PDE8B: variants seen among roughly 807,000 people sequenced by gnomAD.
PDE8B encodes the protein high affinity cAMP-specific and IBMX-insensitive 3',5'-cyclic phosphodiesterase 8B.
In PDE8B, 26 loss-of-function variants were observed where a neutral mutation model predicts 101.3. That is an observed-to-expected ratio of 0.26 (90% CI 0.19 to 0.36). The LOEUF (loss-of-function observed/expected upper bound fraction) is 0.36. Ranked by LOEUF, PDE8B falls within the 10% of genes least tolerant of loss-of-function variation. PDE8B has a pLI of 1.00. For synonymous variants in PDE8B, 424 were observed against 429.3 expected (o/e 0.99, Z 0.15); for missense variants, 810 against 1,163.1 (o/e 0.70, Z 4.42).
At chr5:77,244,000 C>G (rs964962292) in intron 1 of PDE8B, among the ~76,000 whole-genome samples, 4 of 151,804 alleles carry the variant, frequency 2.6e-5, no homozygotes, top group South Asian at 2.1e-4. Flanking sequence ...AATGTTTGGT[C>G]TGAACTTAAG....
intron 1 of PDE8B, among the ~76,000 whole-genome samples, chr5:77,280,896 C>T (rs1764841061): frequency 7.0e-6 from 1 of 143,006 alleles, no homozygotes; most frequent in Non-Finnish European, 1.6e-5. Flanking sequence ...GACTCTGTCT[C>T]AAAAACAAAC....
At chr5:77,395,257 C>T (rs1361619313) in intron 10 of PDE8B, among the ~76,000 whole-genome samples, 1 of 150,862 alleles carries the variant, frequency 6.6e-6, no homozygotes, top group Non-Finnish European at 1.5e-5. Flanking sequence ...GCTGGGACTA[C>T]AGGCACCCGC....
chr5:77,314,795 C>G (rs985648632), intron 2 of PDE8B, among the ~76,000 whole-genome samples: 1 of 152,032 alleles, frequency 6.6e-6, no homozygotes, highest in Admixed American at 6.6e-5. Context: ...CAATTTTACA[C>G]TCTTACCAGC....
At chr5:77,204,050 G>GTTTTTT in the PDE8B span, among the ~76,000 whole-genome samples, 7 of 113,592 alleles carry the variant, frequency 6.2e-5, no homozygotes, top group East Asian at 2.7e-4. Flanking sequence ...TGTACCCTTA[G>GTTTTTT]TTTTTTTTTT....
Position 77,225,584 on chromosome 5 carries a change from G to A in PDE8B, c.339+14320G>A, listed in dbSNP as rs78658752. Among the ~76,000 whole-genome samples the A allele has an allele frequency of 3.9e-5, 6 of 152,210 alleles. No individual in the cohort carries two copies. The East Asian group carries it at 1.2e-3, about 29-fold the overall frequency. On this transcript the variant is annotated intron_variant, in intron 1 of 21. Coordinates refer to ENST00000264917, the MANE Select transcript of PDE8B (RefSeq NM_003719.5). ...TATTTTTATTGAAAAATGGTATTTA[G>A]AGGTATGATCTCGGGTGTTCATTGC...
chr5:77,104,330 G>T, the PDE8B span, among the ~76,000 whole-genome samples: 2 of 152,170 alleles, frequency 1.3e-5, no homozygotes, highest in African/African-American at 2.4e-5. Flanking sequence ...GCAGTGCTAT[G>T]GTTTGAATGT....
At chr5:77,289,039 C>T (rs923580534) in intron 1 of PDE8B, among the ~76,000 whole-genome samples, 7 of 152,048 alleles carry the variant, frequency 4.6e-5, no homozygotes, top group African/African-American at 1.7e-4. Flanking sequence ...CTCTTTTTAT[C>T]TCTGAATTTT....
At chr5:77,203,522 A>C in the PDE8B span, among the ~76,000 whole-genome samples, 40 of 152,206 alleles carry the variant, frequency 2.6e-4, no homozygotes, top group African/African-American at 7.2e-4. Context: ...GGCTGGGTGG[A>C]TGGATGGATG....
chr5:77,168,987 C>A, the PDE8B span, among the ~76,000 whole-genome samples: 2 of 152,206 alleles, frequency 1.3e-5, no homozygotes, highest in Non-Finnish European at 2.9e-5. Flanking sequence ...ATAAGAGAGG[C>A]CTCAGGCCTT....
intron 1 of PDE8B, chr5:77,291,476 G>A (rs767317004): frequency 7.1e-5 from 114 of 1,610,350 alleles, no homozygotes; most frequent in Admixed American, 1.3e-4. Context: ...CTTTTGCTCC[G>A]ATTCTGTATG....
intron 21 of PDE8B, 43 bp downstream of exon 21, chr5:77,425,939 C>T: frequency 6.3e-7 from 1 of 1,578,406 alleles, no homozygotes; most frequent in Non-Finnish European, 8.7e-7. Flanking sequence ...AATTGTTATA[C>T]TTTACGAATA....
At chr5:77,288,831 G>A (rs960822264) in intron 1 of PDE8B, among the ~76,000 whole-genome samples, 1 of 146,390 alleles carries the variant, frequency 6.8e-6, no homozygotes, top group Non-Finnish European at 1.5e-5. Flanking sequence ...AAATCTTGCT[G>A]CCCCCATCTT....
intron 1 of PDE8B, among the ~76,000 whole-genome samples, chr5:77,292,339 A>G (rs762923150): frequency 6.6e-6 from 1 of 152,228 alleles, no homozygotes; most frequent in Non-Finnish European, 1.5e-5. Flanking sequence ...GACAAATATC[A>G]TGGCAGACAT....
At chr5:77,110,684 T>A in the PDE8B span, among the ~76,000 whole-genome samples, 6 of 152,312 alleles carry the variant, frequency 3.9e-5, no homozygotes, top group South Asian at 1.0e-3. Flanking sequence ...AGGTCCCAGT[T>A]GTCAACCACA....
intron 1 of PDE8B, chr5:77,291,060 A>C: frequency 1.2e-6 from 2 of 1,611,666 alleles, no homozygotes; most frequent in East Asian, 2.2e-5. Context: ...GTTTGGGAGA[A>C]GTTTGTTGGA....
chr5:77,241,498 G>A (rs1190508933), intron 1 of PDE8B, among the ~76,000 whole-genome samples: 2 of 152,160 alleles, frequency 1.3e-5, no homozygotes, highest in Non-Finnish European at 2.9e-5. Context: ...ACCACATGAA[G>A]AGCATGATGT....
chr5:77,392,153 G>C (rs998061167), intron 10 of PDE8B, among the ~76,000 whole-genome samples: 1 of 152,180 alleles, frequency 6.6e-6, no homozygotes, highest in Non-Finnish European at 1.5e-5. Context: ...GAGCAGAAGA[G>C]TTGGTAGAAA....
At chr5:77,219,085 G>C (rs1446696691) in intron 1 of PDE8B, among the ~76,000 whole-genome samples, 2 of 152,188 alleles carry the variant, frequency 1.3e-5, no homozygotes, top group African/African-American at 4.8e-5. Flanking sequence ...TTCCATGACT[G>C]TTGAGCCTGC....
At chr5:77,186,059 C>T in the PDE8B span, among the ~76,000 whole-genome samples, 1 of 152,126 alleles carries the variant, frequency 6.6e-6, no homozygotes, top group Non-Finnish European at 1.5e-5. Context: ...GACTAGGTGT[C>T]AAAAATGGTG....
Sources: gnomAD v4.1 joint callset for allele counts (sites outside exome capture counted in the v4.1 genomes callset) on GRCh38, gnomAD v4.1.1 for gene constraint, MANE v1.5 for transcripts, NCBI Gene and HGNC (gene_info 2026-07-23, HGNC 2026-07-21) for gene names.